FAT4: variants seen among roughly 807,000 people sequenced by gnomAD.
The protein encoded by FAT4 is FAT atypical cadherin 4, also known as protocadherin Fat 4.
FAT4 carries 84 observed loss-of-function variants against 303.9 expected under a neutral mutation model. That is an observed-to-expected ratio of 0.28 (90% CI 0.23 to 0.33). FAT4 has a LOEUF of 0.33. Ranked by LOEUF, FAT4 falls within the 10% of genes least tolerant of loss-of-function variation. The pLI is 1.00. For synonymous variants in FAT4, 2,307 were observed against 2,298.8 expected (o/e 1.00, Z -0.10); for missense variants, 6,005 against 6,146.8 (o/e 0.98, Z 0.77).
In FAT4 at chr4:125,407,298, G is replaced by A. The variant is rs4508902; in HGVS notation, c.5569+157G>A. The stretch of plus-strand genomic sequence containing the variant: ...TGGATTGTTGGATCTTTTCATTAAC[G>A]ATCTTTGGTAAAATTCTCAAGCAAA... On this transcript the variant is annotated intron_variant, in intron 4 of 17. Coordinates refer to ENST00000394329, the MANE Select transcript of FAT4 (RefSeq NM_001291303.3). Among the ~76,000 whole-genome samples, 150,814 of 152,218 alleles carry A rather than the reference G, an allele frequency of 0.99. 74,725 individuals carry two copies. Among genetic ancestry groups the A allele is most frequent in the East Asian group, 1 (5,162 of 5,162 alleles).
intron 5 of FAT4, 80 bp downstream of exon 5, chr4:125,408,874 A>G (rs1734733058): frequency 1.3e-6 from 1 of 769,406 alleles, no homozygotes; most frequent in African/African-American, 1.8e-5. Context: ...TATTGTGTTG[A>G]GCTGTCACAA....
chr4:125,340,912 A>C (rs561572328), intron 2 of FAT4, among the ~76,000 whole-genome samples: 24 of 152,354 alleles, frequency 1.6e-4, no homozygotes, highest in Middle Eastern at 6.8e-3. Context: ...TATTGCAAGC[A>C]ATCATTGAGA....
At chr4:125,458,101 C>A (rs1257180511) in intron 10 of FAT4, among the ~76,000 whole-genome samples, 1 of 151,958 alleles carries the variant, frequency 6.6e-6, no homozygotes, top group Admixed American at 6.6e-5. Flanking sequence ...TTCATAGTCT[C>A]TTTAACCTTT....
At chr4:125,434,099 A>T in intron 7 of FAT4, 146 bp from the exon 8 acceptor site, 1 of 667,762 alleles carries the variant, frequency 1.5e-6, no homozygotes, top group Non-Finnish European at 2.5e-6. Context: ...TAACAAAATT[A>T]AAAATCACTC....
intron 2 of FAT4, among the ~76,000 whole-genome samples, chr4:125,332,934 G>C (rs764863573): frequency 6.6e-6 from 1 of 151,770 alleles, no homozygotes; most frequent in African/African-American, 2.4e-5. Context: ...TCTTCTGCTC[G>C]GGGTAGTGTT....
rs1220015375 is a variant in FAT4 at position 125,319,997 on chromosome 4, G to A, written c.3586G>A (p.Val1196Ile). Residue 1196 changes from valine to isoleucine, a missense_variant, in exon 2 of 18, where the codon GTA becomes ATA. Physicochemically the swap from Val to Ile is conservative, Grantham distance 29 (BLOSUM62 3). Coordinates refer to ENST00000394329, the MANE Select transcript of FAT4 (RefSeq NM_001291303.3). ...IPQPLKDQAT[V>I]HVYMKDINDN... Reference sequence around the variant, plus strand: ...TCAGCCTCTCAAGGATCAGGCCACTGTACATGTTTACATGAAGGATATAAA... The same window carrying A: ...TCAGCCTCTCAAGGATCAGGCCACTATACATGTTTACATGAAGGATATAAA... 2 of 1,612,942 alleles carry A rather than the reference G, an allele frequency of 1.2e-6. No homozygotes were observed. Among genetic ancestry groups the A allele is most frequent in the Admixed American group, 1.7e-5 (1 of 60,020 alleles).
chr4:125,338,622 A>G (rs373825949), intron 2 of FAT4, among the ~76,000 whole-genome samples: 5 of 152,200 alleles, frequency 3.3e-5, no homozygotes, highest in African/African-American at 1.2e-4. Flanking sequence ...CAAACATCAC[A>G]TAAACTATTA....
intron 11 of FAT4, among the ~76,000 whole-genome samples, chr4:125,465,672 C>T (rs1184441795): frequency 6.6e-6 from 1 of 152,112 alleles, no homozygotes; most frequent in Non-Finnish European, 1.5e-5. Context: ...CTTCTTGTCA[C>T]TCTGTAGACA....
chr4:125,334,006 C>T (rs888958958), intron 2 of FAT4, among the ~76,000 whole-genome samples: 15 of 152,018 alleles, frequency 9.9e-5, no homozygotes, highest in African/African-American at 3.6e-4. Flanking sequence ...TTTGACACCT[C>T]ATTTTCAAAT....
At position 125,450,019 on chromosome 4, in the gene FAT4, G is replaced by T; in HGVS notation, c.9009G>T (p.Lys3003Asn). ...PVTKNVKVGT[K>N]LIRVTAIDDK... ...CCAAAAATGTTAAGGTTGGTACGAAGTTAATCAGAGTTACAGCAATAGATG... is the reference window on the plus strand; with the variant it reads ...CCAAAAATGTTAAGGTTGGTACGAATTTAATCAGAGTTACAGCAATAGATG... Residue 3003 changes from lysine to asparagine, a missense_variant, in exon 10 of 18, where the codon AAG becomes AAT. Coordinates refer to ENST00000394329, the MANE Select transcript of FAT4 (RefSeq NM_001291303.3). 6.2e-7 allele frequency: 1 copy of T among 1,613,880 alleles called. No homozygotes were observed. Among genetic ancestry groups the T allele is most frequent in the Non-Finnish European group, 8.5e-7 (1 of 1,179,916 alleles).
chr4:125,481,539 C>T lies in FAT4; in HGVS notation c.12623C>T (p.Ala4208Val). ...CTTCCAGCTGTTACTCCTGACACTGCCTTATCATTAGAAGGCAAAGGGCGC... is the reference window on the plus strand; with the variant it reads ...CTTCCAGCTGTTACTCCTGACACTGTCTTATCATTAGAAGGCAAAGGGCGC... ...YCEKSVTPDT[A>V]LSLEGKGRLD... The change falls in exon 16 of 18, where the codon GCC (alanine) becomes GTC (valine). Residue 4208 changes from alanine (A) to valine (V), a missense_variant. Physicochemically the swap from Ala to Val is moderately conservative, Grantham distance 64. Transcript: ENST00000394329. The T allele has an allele frequency of 6.2e-7, 1 of 1,613,928 alleles. No individual in the cohort carries two copies. Among genetic ancestry groups the T allele is most frequent in the South Asian group, 1.1e-5 (1 of 91,070 alleles).
Position 125,427,390 on chromosome 4 carries a change from T to C in FAT4, c.7019-6855T>C, listed in dbSNP as rs1725119654. Among the ~76,000 whole-genome samples, 4 of 151,940 alleles carry C rather than the reference T, an allele frequency of 2.6e-5. No individual in the cohort carries two copies. The South Asian group carries it at 8.3e-4, about 32-fold the overall frequency. On this transcript the variant is annotated intron_variant, in intron 7 of 17. Coordinates refer to ENST00000394329, the MANE Select transcript of FAT4 (RefSeq NM_001291303.3). ...TGTAATTTATCTTAAGGAAATATAG[T>C]GTTTTTGATAGATTCCTATGCAAAA... is the stretch of plus-strand genomic sequence containing the variant.
intron 2 of FAT4, among the ~76,000 whole-genome samples, chr4:125,383,536 G>C (rs1733617732): frequency 7.3e-6 from 1 of 137,562 alleles, no homozygotes; most frequent in Non-Finnish European, 1.7e-5. Context: ...TAATGAAAAA[G>C]TTTGATGTAT....
At chr4:125,351,266 T>C (rs1477482561) in intron 2 of FAT4, among the ~76,000 whole-genome samples, 1 of 151,724 alleles carries the variant, frequency 6.6e-6, no homozygotes, top group East Asian at 1.9e-4. Context: ...AATGTACAGA[T>C]AAAACAATAG....
rs70960372 is a variant in FAT4 at position 125,385,024 on chromosome 4, ATTT to A, written c.5176-13748_5176-13746del. Among the ~76,000 whole-genome samples, 639 of 94,396 alleles carry A rather than the reference ATTT, an allele frequency of 6.8e-3. 3 individuals are homozygous for A. Among genetic ancestry groups the A allele is most frequent in the Middle Eastern group, 0.017 (3 of 174 alleles). The allele number at this position is 94,396 out of a possible 152,430, so 61.9% of individuals were successfully genotyped here. On this transcript the variant is annotated intron_variant, in intron 2 of 17. Coordinates refer to ENST00000394329, the MANE Select transcript of FAT4 (RefSeq NM_001291303.3). ...TACATATATATATATATATATATAT[ATTT>A]TTTTTTTTTTTGAGATGGAGTGTTG...
chr4:125,393,169 G>A (rs1165226763), intron 2 of FAT4, among the ~76,000 whole-genome samples: 1 of 152,154 alleles, frequency 6.6e-6, no homozygotes, highest in Non-Finnish European at 1.5e-5. Flanking sequence ...ATTTTATGTA[G>A]ATTGCAGGAA....
intron 2 of FAT4, among the ~76,000 whole-genome samples, chr4:125,350,343 G>A (rs1732174118): frequency 6.6e-6 from 1 of 151,564 alleles, no homozygotes; most frequent in Non-Finnish European, 1.5e-5. Flanking sequence ...ATTTTGGGTT[G>A]GCCTTACAAT....
At chr4:125,439,617 G>A (rs12643623) in intron 8 of FAT4, among the ~76,000 whole-genome samples, 4,012 of 152,094 alleles carry the variant, frequency 0.026, 75 homozygotes, top group East Asian at 0.069. Flanking sequence ...GGGATTACAG[G>A]CGTGAGCCAC....
chr4:125,403,738 C>T (rs932611961), intron 3 of FAT4, among the ~76,000 whole-genome samples: 1 of 152,120 alleles, frequency 6.6e-6, no homozygotes, highest in Non-Finnish European at 1.5e-5. Flanking sequence ...AGTAAGAGTA[C>T]TCTCTTAATT....
Sources: allele counts gnomAD v4.1 joint callset (sites outside exome capture counted in the v4.1 genomes callset), GRCh38; gene constraint gnomAD v4.1.1; transcripts MANE v1.5; gene names NCBI Gene and HGNC (gene_info 2026-07-23, HGNC 2026-07-21).